Variants in SNRPN observed in about 807,000 individuals in gnomAD.
SNRPN encodes small nuclear ribonucleoprotein-associated protein N.
Under a neutral mutation model 25.2 loss-of-function variants are expected in SNRPN, and 7 were observed. The ratio of observed to expected loss-of-function variants is 0.28; its 90% CI spans 0.16 to 0.52. SNRPN has a LOEUF of 0.52. Ranked by LOEUF, SNRPN falls within the 20% of genes least tolerant of loss-of-function variation. SNRPN has a pLI of 0.96. For synonymous variants in SNRPN, 124 were observed against 110.6 expected (o/e 1.12, Z -0.76); for missense variants, 196 against 322.5 (o/e 0.61, Z 3.00).
chr15:24,956,340 C>T lies in SNRPN; in HGVS notation c.-391+1278C>T, dbSNP rs1294847325. Among the ~76,000 whole-genome samples the T allele has an allele frequency of 5.0e-5, 7 of 139,104 alleles. 1 individual carries two copies. The highest frequency in any genetic ancestry group is 4.9e-4 in the Admixed American group (6 of 12,206). 91.3% of individuals were successfully genotyped at this position (139,104 alleles called of 152,430 possible). A position where few individuals can be genotyped will look rare whatever the true frequency, so the allele number is the denominator to read the frequency against. On this transcript the variant is annotated intron_variant, in intron 1 of 9. Transcript: ENST00000390687. ...CCGCCGCTGCAGCGGCTTAGATCTG[C>T]GCAAGCGCTTCAGCGGGGGGGTGGC...
intron 2 of SNRPN, among the ~76,000 whole-genome samples, chr15:24,906,733 G>T (rs1327498172): frequency 6.6e-6 from 1 of 152,154 alleles, no homozygotes; most frequent in East Asian, 1.9e-4. Context: ...GAGACTCAAG[G>T]GGGTGTAAGT....
At chr15:24,942,387 G>A (rs1312922014) in intron 3 of SNRPN, 1 of 152,144 alleles carries the variant, frequency 6.6e-6, no homozygotes, top group African/African-American at 2.4e-5. Flanking sequence ...CCAAATAGCT[G>A]GTACTGTAAC....
intron 3 of SNRPN, among the ~76,000 whole-genome samples, chr15:24,971,823 A>G (rs1386061954): frequency 1.3e-5 from 2 of 152,254 alleles, no homozygotes; most frequent in African/African-American, 2.4e-5. Flanking sequence ...GTAAATTTAC[A>G]GAACTGTGCA....
chr15:24,856,546 A>G (rs564534367), upstream of SNRPN: 1 of 152,294 alleles, frequency 6.6e-6, no homozygotes, highest in South Asian at 2.1e-4. Flanking sequence ...GGCCACATCC[A>G]CTGCAGCTGA....
chr15:24,968,280 G>GTTA (rs1206330528), intron 3 of SNRPN, 198 bp downstream of exon 3: 1 of 454,894 alleles, frequency 2.2e-6, no homozygotes, highest in African/African-American at 2.0e-5. Flanking sequence ...CTGTATTCCA[G>GTTA]TTATTGTAGC....
intron 3 of SNRPN, among the ~76,000 whole-genome samples, chr15:24,938,951 G>A (rs1376364471): frequency 1.3e-5 from 2 of 152,122 alleles, no homozygotes; most frequent in Non-Finnish European, 2.9e-5. Flanking sequence ...TTATATTCGA[G>A]AATTAGCTAG....
rs190177544 is a variant in SNRPN at position 24,934,376 on chromosome 15, G to A, written c.-391+14252G>A. On this transcript the variant is annotated intron_variant, in intron 3 of 11. Transcript: ENST00000400097. ...AAATTATATAAGATTCAAATTTCAC[G>A]GTCCATAAGTGAAGTTTTATTGGAA... Among the ~76,000 whole-genome samples the A allele has an allele frequency of 7.8e-4, 110 of 141,610 alleles. 1 individual carries two copies. Among genetic ancestry groups the A allele is most frequent in the African/African-American group, 2.5e-3 (103 of 40,832 alleles). The allele number at this position is 141,610 out of a possible 152,430, so 92.9% of individuals were successfully genotyped here. A position where few individuals can be genotyped will look rare whatever the true frequency, so the allele number is the denominator to read the frequency against.
chr15:24,889,520 T>G (rs965417728), intron 2 of SNRPN, among the ~76,000 whole-genome samples: 9 of 150,924 alleles, frequency 6.0e-5, no homozygotes, highest in Non-Finnish European at 1.3e-4. Context: ...TTAGCCAGGA[T>G]GGTCTTGATC....
intron 2 of SNRPN, among the ~76,000 whole-genome samples, chr15:24,834,728 C>CCTCTCCCTCTCT (rs1555376611): frequency 4.7e-5 from 2 of 42,800 alleles, no homozygotes; most frequent in East Asian, 1.9e-3. Context: ...TCTCTCTCTC[C>CCTCTCCCTCTCT]CTCTCTCTCT....
At chr15:24,834,800 C>G (rs2050904374) in intron 2 of SNRPN, among the ~76,000 whole-genome samples, 1 of 133,456 alleles carries the variant, frequency 7.5e-6, no homozygotes, top group South Asian at 2.4e-4. Context: ...GTGGCAGTCA[C>G]CTGTAATCCC....
At chr15:24,915,250 C>G (rs923540908) in intron 2 of SNRPN, among the ~76,000 whole-genome samples, 1 of 152,036 alleles carries the variant, frequency 6.6e-6, no homozygotes, top group African/African-American at 2.4e-5. Context: ...GCCTCAGCCT[C>G]CTGAGTAGCT....
chr15:24,956,396 AG>A (rs1175483944), intron 1 of SNRPN, among the ~76,000 whole-genome samples: 1 of 141,818 alleles, frequency 7.1e-6, no homozygotes, highest in Non-Finnish European at 1.5e-5. Context: ...GCCAGTGGGG[AG>A]GGGGCAGGTG....
Position 24,872,772 on chromosome 15 carries a change from G to GGT in SNRPN, c.-578-13743_-578-13742insTG, listed in dbSNP as rs1204767813. ...GAAAAAAAAAAAAAAAAAAAAAGCTGGGTGCGGTGGCTTACGCCTGTAATC... is the reference window on the plus strand; with the variant it reads ...GAAAAAAAAAAAAAAAAAAAAAGCTGGTGGTGCGGTGGCTTACGCCTGTAATC... On this transcript the variant is annotated intron_variant, in intron 1 of 11. Transcript: ENST00000400097. 1.9e-5 allele frequency among the ~76,000 whole-genome samples: 2 copies of GGT among 103,758 alleles called. 1 individual carries two copies. The highest frequency in any genetic ancestry group is 2.2e-4 in the Admixed American group (2 of 8,900). 68.1% of individuals were successfully genotyped at this position (103,758 alleles called of 152,430 possible).
chr15:24,849,992 T>C (rs1208378852), intron 2 of SNRPN: 1 of 152,238 alleles, frequency 6.6e-6, no homozygotes, highest in East Asian at 1.9e-4. Flanking sequence ...AAATTAGATT[T>C]TGATTCAGAG....
intron 2 of SNRPN, among the ~76,000 whole-genome samples, chr15:24,842,532 G>C (rs1310145411): frequency 6.6e-6 from 1 of 152,164 alleles, no homozygotes; most frequent in East Asian, 1.9e-4. Flanking sequence ...AGCTGAGGAA[G>C]CCCAAAAGGC....
intron 3 of SNRPN, among the ~76,000 whole-genome samples, chr15:24,937,239 A>AAAAC (rs199652626): frequency 5.3e-5 from 8 of 152,148 alleles, no homozygotes; most frequent in South Asian, 2.1e-4. Context: ...GACTCCGTCT[A>AAAAC]AAACAAACAA....
intron 3 of SNRPN, among the ~76,000 whole-genome samples, chr15:24,971,265 T>G (rs2076364758): frequency 6.6e-6 from 1 of 152,218 alleles, no homozygotes; most frequent in African/African-American, 2.4e-5. Context: ...TCATCCATCC[T>G]TGCAGTGTGA....
At chr15:24,918,420 GTATATATAA>G (rs1566908727) in intron 2 of SNRPN, among the ~76,000 whole-genome samples, 34 of 36,764 alleles carry the variant, frequency 9.2e-4, no homozygotes, top group East Asian at 1.6e-3. Context: ...ATATATATGT[GTATATATAA>G]CATAATATAT....
At chr15:24,894,630 C>T (rs896636378) in intron 2 of SNRPN, among the ~76,000 whole-genome samples, 1 of 152,178 alleles carries the variant, frequency 6.6e-6, no homozygotes, top group Admixed American at 6.5e-5. Flanking sequence ...GCTACAGTCA[C>T]AATCTAGATA....
Sources: gnomAD v4.1 joint callset for allele counts (sites outside exome capture counted in the v4.1 genomes callset) on GRCh38, gnomAD v4.1.1 for gene constraint, MANE v1.5 for transcripts, NCBI Gene and HGNC (gene_info 2026-07-23, HGNC 2026-07-21) for gene names.